The following CCSER1 variants were observed in gnomAD, a reference collection of about 807,000 sequenced individuals.
The protein encoded by CCSER1 is coiled-coil serine rich protein 1.
CCSER1 carries 41 observed loss-of-function variants against 82.0 expected under a neutral mutation model. That is an observed-to-expected ratio of 0.50 (90% CI 0.39 to 0.65). CCSER1 has a LOEUF of 0.65. CCSER1 is among the 30% of genes least tolerant of loss of function. The pLI is 0.00. For missense variants in CCSER1, 1,119 were observed against 1,064.2 expected, an observed-to-expected ratio of 1.05 and a Z score of -0.72; for synonymous variants, 414 against 383.9, an observed-to-expected ratio of 1.08 and a Z score of -0.92.
At chr4:90,441,277 T>C (rs980952115) in intron 4 of CCSER1, among the ~76,000 whole-genome samples, 1 of 152,168 alleles carries the variant, frequency 6.6e-6, no homozygotes, top group African/African-American at 2.4e-5. Flanking sequence ...TTAGTTCATC[T>C]TGCCATAACA....
intron 10 of CCSER1, among the ~76,000 whole-genome samples, chr4:91,303,418 A>C (rs1180103928): frequency 6.6e-6 from 1 of 152,180 alleles, no homozygotes; most frequent in East Asian, 1.9e-4. Context: ...ATAGGCAAAA[A>C]GTAAGGAAAT....
intron 10 of CCSER1, among the ~76,000 whole-genome samples, chr4:91,341,987 G>A (rs1454314251): frequency 6.6e-6 from 1 of 152,118 alleles, no homozygotes; most frequent in African/African-American, 2.4e-5. Context: ...AAGTAGGAAA[G>A]GGCACAGAGT....
chr4:90,956,346 A>G (rs934661215), intron 9 of CCSER1, among the ~76,000 whole-genome samples: 46 of 152,164 alleles, frequency 3.0e-4, no homozygotes, highest in Non-Finnish European at 8.8e-5. Context: ...CTTCGTATAG[A>G]AAAAATAGGG....
chr4:90,439,896 T>G (rs560339592), intron 4 of CCSER1, among the ~76,000 whole-genome samples: 220 of 152,346 alleles, frequency 1.4e-3, no homozygotes, highest in African/African-American at 5.1e-3. Flanking sequence ...CAAGATCTTT[T>G]TTATTTGTTA....
chr4:90,413,674 A>G (rs1246429736), intron 4 of CCSER1, among the ~76,000 whole-genome samples: 1 of 151,838 alleles, frequency 6.6e-6, no homozygotes, highest in African/African-American at 2.4e-5. Flanking sequence ...GTCCTAAATT[A>G]ATATATGTTC....
chr4:91,507,439 T>A (rs1759559625), intron 10 of CCSER1, among the ~76,000 whole-genome samples: 1 of 152,210 alleles, frequency 6.6e-6, no homozygotes, highest in South Asian at 2.1e-4. Context: ...ATTTATTTAT[T>A]TATTTTTTAG....
At chr4:91,584,980 T>C (rs1219913818) in intron 10 of CCSER1, among the ~76,000 whole-genome samples, 1 of 151,552 alleles carries the variant, frequency 6.6e-6, no homozygotes, top group Non-Finnish European at 1.5e-5. Flanking sequence ...TTCCCAATTA[T>C]GTAACCTTTC....
intron 10 of CCSER1, among the ~76,000 whole-genome samples, chr4:91,108,328 A>G (rs1253658847): frequency 2.0e-5 from 3 of 152,176 alleles, no homozygotes; most frequent in Non-Finnish European, 4.4e-5. Flanking sequence ...TCTATATGGC[A>G]TTGGGGTAGA....
intron 5 of CCSER1, among the ~76,000 whole-genome samples, chr4:90,470,466 T>C (rs74633468): frequency 0.016 from 2,419 of 152,232 alleles, 39 homozygotes; most frequent in African/African-American, 0.047. Flanking sequence ...AGAAGCCAAA[T>C]GCTAACTGGT....
intron 9 of CCSER1, among the ~76,000 whole-genome samples, chr4:90,933,669 T>C (rs919277468): frequency 7.3e-6 from 1 of 136,594 alleles, no homozygotes; most frequent in Non-Finnish European, 1.5e-5. Context: ...GTGAGTGTAT[T>C]ATTTTCTATA....
Position 90,771,674 on chromosome 4 carries a change from G to A in CCSER1, c.2011-44088G>A, listed in dbSNP as rs182611141. Among the ~76,000 whole-genome samples the A allele has an allele frequency of 1.4e-4, 21 of 151,664 alleles. No homozygotes were observed. In the Middle Eastern group the frequency reaches 0.014, roughly 98 times the overall value. ...TATTTTATATTGAGCCATAATGCAT[G>A]AGGTGGCTTAATTTGTAAATTTTCA... is the stretch of plus-strand genomic sequence containing the variant. On this transcript the variant is annotated intron_variant, in intron 7 of 10. Transcript: ENST00000509176.
At chr4:91,030,633 CT>C (rs1057401672) in intron 9 of CCSER1, among the ~76,000 whole-genome samples, 8 of 151,882 alleles carry the variant, frequency 5.3e-5, no homozygotes, top group African/African-American at 1.9e-4. Flanking sequence ...TAAACTAAAA[CT>C]AAGAAGAATT....
At chr4:90,278,388 G>A (rs920641680) in intron 1 of CCSER1, among the ~76,000 whole-genome samples, 2 of 151,362 alleles carry the variant, frequency 1.3e-5, no homozygotes, top group Non-Finnish European at 2.9e-5. Flanking sequence ...ATATGTTCAC[G>A]CAATGCTATT....
Position 91,235,230 on chromosome 4 carries a change from T to C in CCSER1, c.2217+149236T>C, listed in dbSNP as rs6831975. Among the ~76,000 whole-genome samples the C allele has an allele frequency of 4.6e-3, 702 of 152,236 alleles. 4 individuals are homozygous for C. Among genetic ancestry groups the C allele is most frequent in the African/African-American group, 0.016 (666 of 41,562 alleles). On this transcript the variant is annotated intron_variant, in intron 10 of 10. Coordinates refer to ENST00000509176, the MANE Select transcript of CCSER1 (RefSeq NM_001145065.2). Reference sequence around the variant, plus strand: ...GTTTCCCCCTATTGGAAGAGAGGTATACATAGCAAATTCATATGGATTCAT... The same window carrying C: ...GTTTCCCCCTATTGGAAGAGAGGTACACATAGCAAATTCATATGGATTCAT...
At chr4:90,304,488 G>A (rs1345415406) in intron 1 of CCSER1, among the ~76,000 whole-genome samples, 1 of 152,202 alleles carries the variant, frequency 6.6e-6, no homozygotes, top group Non-Finnish European at 1.5e-5. Context: ...ATGAGTTCAT[G>A]TCCTTTGTAG....
intron 9 of CCSER1, among the ~76,000 whole-genome samples, chr4:91,054,690 C>A (rs1045341560): frequency 2.5e-4 from 37 of 149,806 alleles, no homozygotes; most frequent in African/African-American, 8.9e-4. Flanking sequence ...CAAGCAGTAT[C>A]TCAGATTTGA....
chr4:91,174,881 G>A (rs1431379443), intron 10 of CCSER1, among the ~76,000 whole-genome samples: 1 of 148,878 alleles, frequency 6.7e-6, no homozygotes, highest in African/African-American at 2.5e-5. Flanking sequence ...ATGCAGATTT[G>A]TTACATATGT....
chr4:90,708,595 C>A (rs1739870724), intron 6 of CCSER1, among the ~76,000 whole-genome samples: 1 of 152,042 alleles, frequency 6.6e-6, no homozygotes, highest in Non-Finnish European at 1.5e-5. Context: ...GTAAAAAAAT[C>A]AACATAGTCA....
intron 2 of CCSER1, 111 bp from the exon 3 acceptor site, chr4:90,312,752 A>C (rs1735522003): frequency 1.2e-6 from 1 of 829,872 alleles, no homozygotes; most frequent in East Asian, 2.7e-5. Context: ...TTTTCTTGTG[A>C]TAGAGAAACT....
Sources: gnomAD v4.1 joint callset for allele counts (sites outside exome capture counted in the v4.1 genomes callset) on GRCh38, gnomAD v4.1.1 for gene constraint, MANE v1.5 for transcripts, NCBI Gene and HGNC (gene_info 2026-07-23, HGNC 2026-07-21) for gene names.